Variants in SPIDR observed in about 807,000 individuals in gnomAD.
The protein encoded by SPIDR is DNA repair-scaffolding protein.
In SPIDR, 93 loss-of-function variants were observed where a neutral mutation model predicts 104.6. The ratio of observed to expected loss-of-function variants is 0.89; its 90% CI spans 0.75 to 1.06. The LOEUF (loss-of-function observed/expected upper bound fraction) is 1.06, where lower values mean the gene tolerates loss of function less well. Ranked by LOEUF, SPIDR falls within the 50% of genes least tolerant of loss-of-function variation. The probability of loss-of-function intolerance (pLI) is 0.00; values close to 1 mark genes in which losing one functional copy is unlikely to be tolerated. For synonymous variants in SPIDR, 431 were observed against 416.9 expected, an observed-to-expected ratio of 1.03 and a Z score of -0.41; for missense variants, 1,154 against 1,111.2, an observed-to-expected ratio of 1.04 and a Z score of -0.55.
At chr8:47,536,061 CA>C (rs1205743621) in intron 8 of SPIDR, among the ~76,000 whole-genome samples, 1 of 146,222 alleles carries the variant, frequency 6.8e-6, no homozygotes, top group Non-Finnish European at 1.5e-5. Context: ...ACATTTGCAT[CA>C]AAAAAATCAA....
At chr8:47,407,647 A>G (rs1356253520) in intron 6 of SPIDR, among the ~76,000 whole-genome samples, 1 of 152,220 alleles carries the variant, frequency 6.6e-6, no homozygotes, top group Non-Finnish European at 1.5e-5. Context: ...ATTAGCCCAT[A>G]TTTCTAAGAA....
At chr8:47,639,646 T>TGG (rs1362490579) in intron 10 of SPIDR, among the ~76,000 whole-genome samples, 2 of 152,188 alleles carry the variant, frequency 1.3e-5, no homozygotes, top group Non-Finnish European at 2.9e-5. Context: ...CTATCCAACT[T>TGG]AAACAGAAGG....
In SPIDR at chr8:47,518,976, G is replaced by T. The variant is rs962181970; in HGVS notation, c.1098-76835G>T. 2.8e-4 allele frequency among the ~76,000 whole-genome samples: 42 copies of T among 152,138 alleles called. 1 individual carries two copies. The highest frequency in any genetic ancestry group is 7.9e-4 in the Admixed American group (12 of 15,266). ...TTTTAAAGTCTTACGTTAGCAAAAT[G>T]AAGAAATGTGAATAATTGGTGAAAC... On this transcript the variant is annotated intron_variant, in intron 8 of 19. Transcript: ENST00000297423.
intron 10 of SPIDR, chr8:47,660,621 T>A (rs73569220): frequency 1.8e-6 from 1 of 563,538 alleles, no homozygotes; most frequent in South Asian, 7.7e-5. Flanking sequence ...GGACCCGCTG[T>A]AGACATGGTA....
chr8:47,435,962 T>A (rs79903730), intron 7 of SPIDR, among the ~76,000 whole-genome samples: 39 of 152,328 alleles, frequency 2.6e-4, no homozygotes, highest in African/African-American at 9.4e-4. Context: ...AGCAGCTAGC[T>A]TTATTTTTCA....
chr8:47,499,593 A>G (rs902002351), intron 8 of SPIDR, among the ~76,000 whole-genome samples: 4 of 149,300 alleles, frequency 2.7e-5, no homozygotes, highest in Non-Finnish European at 5.9e-5. Flanking sequence ...TTTGTTTACT[A>G]GACTCATTTA....
chr8:47,378,112 A>T (rs556299562), intron 5 of SPIDR, among the ~76,000 whole-genome samples: 3 of 152,336 alleles, frequency 2.0e-5, no homozygotes, highest in Admixed American at 2.0e-4. Context: ...TGGGGTTTCC[A>T]GCACTACCTT....
At chr8:47,506,209 C>A (rs1032116667) in intron 8 of SPIDR, among the ~76,000 whole-genome samples, 3 of 152,196 alleles carry the variant, frequency 2.0e-5, no homozygotes, top group African/African-American at 7.2e-5. Context: ...GGGAGGAGGG[C>A]AGCTACTAGA....
intron 8 of SPIDR, among the ~76,000 whole-genome samples, chr8:47,540,557 G>T (rs2087898028): frequency 6.6e-6 from 1 of 152,168 alleles, no homozygotes; most frequent in African/African-American, 2.4e-5. Flanking sequence ...GCTGGGCATT[G>T]TCTCCTCTTA....
At chr8:47,612,366 G>A (rs1415226016) in intron 10 of SPIDR, among the ~76,000 whole-genome samples, 2 of 152,180 alleles carry the variant, frequency 1.3e-5, no homozygotes, top group African/African-American at 2.4e-5. Context: ...AAACTGCAGT[G>A]ACAGCAAGGA....
chr8:47,330,933 T>C lies in SPIDR; in HGVS notation c.525+36903T>C, dbSNP rs956880402. On this transcript the variant is annotated intron_variant, in intron 5 of 19. Transcript: ENST00000297423. ...TTAGTTTTATAAGAAACTGCCAAAC[T>C]GTCTTCCAAAGTGGCTGTAACATTT... 2.8e-5 allele frequency: 10 copies of C among 359,252 alleles called. No individual in the cohort carries two copies. The Middle Eastern group carries it at 1.7e-3, about 60-fold the overall frequency. The allele number at this position is 359,252 out of a possible 1,614,324, so 22.3% of individuals were successfully genotyped here. A position where few individuals can be genotyped will look rare whatever the true frequency, so the allele number is the denominator to read the frequency against.
intron 19 of SPIDR, chr8:47,729,713 TTTTG>T (rs1172383688): frequency 2.0e-5 from 10 of 508,108 alleles, no homozygotes; most frequent in Admixed American, 3.6e-5. Context: ...CCCCTGGCTT[TTTTG>T]TTTGTTTTTG....
intron 5 of SPIDR, among the ~76,000 whole-genome samples, chr8:47,338,489 A>G (rs1400235483): frequency 1.3e-5 from 2 of 152,210 alleles, no homozygotes; most frequent in Non-Finnish European, 2.9e-5. Flanking sequence ...TGTTGTTTCA[A>G]TACTAACATG....
intron 8 of SPIDR, among the ~76,000 whole-genome samples, chr8:47,532,465 C>T (rs1215546941): frequency 6.6e-6 from 1 of 152,148 alleles, no homozygotes; most frequent in South Asian, 2.1e-4. Context: ...TAACATTGAT[C>T]AACAGAAAGC....
chr8:47,492,011 G>C (rs1554740172), intron 8 of SPIDR, among the ~76,000 whole-genome samples: 1 of 152,160 alleles, frequency 6.6e-6, no homozygotes, highest in Non-Finnish European at 1.5e-5. Context: ...CTGTCTTATG[G>C]TTAACCATGT....
intron 7 of SPIDR, among the ~76,000 whole-genome samples, chr8:47,418,591 C>T (rs964192834): frequency 2.0e-5 from 3 of 152,126 alleles, no homozygotes; most frequent in Admixed American, 2.0e-4. Flanking sequence ...TTCCTGTTTT[C>T]CTAGTTGAAT....
chr8:47,291,083 T>C lies in SPIDR; in HGVS notation c.307T>C (p.Ser103Pro). The C allele has an allele frequency of 6.2e-7, 1 of 1,613,244 alleles. No individual in the cohort carries two copies. The highest frequency in any genetic ancestry group is 1.1e-5 in the South Asian group (1 of 90,888). ...TSGLTDITWS[S>P]SGSDLSDEDK... Reference sequence around the variant, plus strand: ...TGGGCTTACAGACATAACATGGAGCTCCAGTGGAAGTGATTTGTCGGATGA... The same window carrying C: ...TGGGCTTACAGACATAACATGGAGCCCCAGTGGAAGTGATTTGTCGGATGA... Residue 103 changes from serine (S) to proline (P), a missense_variant, in exon 4 of 20, where the codon TCC (serine) becomes CCC (proline). Physicochemically the swap from Ser to Pro is moderately conservative, Grantham distance 74. Transcript: ENST00000297423.
intron 10 of SPIDR, among the ~76,000 whole-genome samples, chr8:47,612,765 C>G (rs1057504162): frequency 2.0e-5 from 3 of 152,170 alleles, no homozygotes; most frequent in Non-Finnish European, 2.9e-5. Context: ...TCTGCCTGGA[C>G]AGAGTGTGCT....
At chr8:47,433,460 C>G (rs2067710088) in intron 7 of SPIDR, among the ~76,000 whole-genome samples, 2 of 131,494 alleles carry the variant, frequency 1.5e-5, no homozygotes, top group East Asian at 4.6e-4. Flanking sequence ...TCTTCTTTTT[C>G]CCTGCCCAGG....
Sources: allele counts gnomAD v4.1 joint callset (sites outside exome capture counted in the v4.1 genomes callset), GRCh38; gene constraint gnomAD v4.1.1; transcripts MANE v1.5; gene names NCBI Gene and HGNC (gene_info 2026-07-23, HGNC 2026-07-21).